The following KTN1 variants were observed in gnomAD, a reference collection of about 807,000 sequenced individuals.
KTN1 encodes kinectin 1.
Under a neutral mutation model 222.5 loss-of-function variants are expected in KTN1, and 130 were observed. The ratio of observed to expected loss-of-function variants is 0.58; its 90% CI spans 0.51 to 0.68. KTN1 has a LOEUF of 0.68. Among genes scored for constraint, KTN1 ranks in the 30% least tolerant of loss-of-function variants. The probability of loss-of-function intolerance (pLI) is 0.00; values close to 1 mark genes in which losing one functional copy is unlikely to be tolerated. For missense variants in KTN1, 1,508 were observed against 1,500.4 expected, an observed-to-expected ratio of 1.01 and a Z score of -0.08; for synonymous variants, 512 against 496.3, an observed-to-expected ratio of 1.03 and a Z score of -0.42.
At chr14:55,653,834 A>G (rs779958210) in intron 28 of KTN1, among the ~76,000 whole-genome samples, 3 of 152,118 alleles carry the variant, frequency 2.0e-5, no homozygotes, top group Non-Finnish European at 4.4e-5. Flanking sequence ...TTTTTCAATT[A>G]TTCTTTCTGC....
At chr14:55,617,565 T>A (rs534726417) in intron 3 of KTN1, among the ~76,000 whole-genome samples, 4 of 152,296 alleles carry the variant, frequency 2.6e-5, no homozygotes, top group South Asian at 2.1e-4. Flanking sequence ...AGAACTTGTT[T>A]AAAAATTATC....
At chr14:55,585,623 T>C (rs1296341026) in intron 1 of KTN1, among the ~76,000 whole-genome samples, 2 of 152,206 alleles carry the variant, frequency 1.3e-5, no homozygotes, top group African/African-American at 4.8e-5. Context: ...TTTCCAGTTA[T>C]TCATCAAGGC....
chr14:55,581,162 T>G (rs932297709), intron 1 of KTN1, among the ~76,000 whole-genome samples: 12 of 152,238 alleles, frequency 7.9e-5, no homozygotes, highest in African/African-American at 2.9e-4. Context: ...CGTCTGGCTC[T>G]CAGCCATACG....
intron 18 of KTN1, among the ~76,000 whole-genome samples, chr14:55,646,447 CT>C (rs71908200): frequency 0.27 from 25,844 of 96,186 alleles, 4,360 homozygotes; most frequent in South Asian, 0.37. Flanking sequence ...TTTCCTTTTC[CT>C]TTTCCTTTTC....
intron 1 of KTN1, among the ~76,000 whole-genome samples, chr14:55,590,736 C>T (rs935994487): frequency 6.6e-6 from 1 of 150,628 alleles, no homozygotes; most frequent in Admixed American, 6.6e-5. Flanking sequence ...AGTGCAGTGG[C>T]GCGATCTTGG....
At chr14:55,617,773 CTG>C (rs2038592319) in intron 3 of KTN1, among the ~76,000 whole-genome samples, 189 bp from the exon 4 acceptor site, 1 of 152,056 alleles carries the variant, frequency 6.6e-6, no homozygotes, top group African/African-American at 2.4e-5. Flanking sequence ...TAAAATAAGA[CTG>C]TTGAGCTGGT....
intron 1 of KTN1, among the ~76,000 whole-genome samples, chr14:55,601,140 C>G (rs751109442): frequency 6.6e-6 from 1 of 152,078 alleles, no homozygotes; most frequent in Non-Finnish European, 1.5e-5. Context: ...GACATGATAC[C>G]TAATGGAGAA....
At chr14:55,644,482 G>C in intron 18 of KTN1, 1 of 685,872 alleles carries the variant, frequency 1.5e-6, no homozygotes, top group East Asian at 2.7e-5. Context: ...AGGGAAGGCT[G>C]CATTTGGATT....
Position 55,629,275 on chromosome 14 carries a change from G to A in KTN1, c.1081-682G>A, listed in dbSNP as rs536938885. Among the ~76,000 whole-genome samples the A allele has an allele frequency of 2.6e-5, 4 of 151,978 alleles. No homozygotes were observed. The South Asian group carries it at 8.3e-4, about 32-fold the overall frequency. ...AATAAAAATACAAAAAAAATTAGCC[G>A]GGCATGGTGGTGGGTGCCTGTAGTC... On this transcript the variant is annotated intron_variant, in intron 6 of 43. Coordinates refer to ENST00000395314, the MANE Select transcript of KTN1 (RefSeq NM_001079521.2).
Position 55,658,602 on chromosome 14 carries a change from A to T in KTN1, c.2949A>T (p.Gln983His). 1 of 1,604,584 alleles carries T rather than the reference A, an allele frequency of 6.2e-7. No individual in the cohort carries two copies. The highest frequency in any genetic ancestry group is 8.5e-7 in the Non-Finnish European group (1 of 1,172,852). ...FKSQIEQLKQ[Q>H]NYQQASSFPP... The stretch of plus-strand genomic sequence containing the variant: ...CCCAAATTGAGCAGCTTAAACAACA[A>T]AACTACCAACAGGTAGGTATTATTA... Residue 983 changes from glutamine (Q) to histidine (H), a missense_variant, in exon 30 of 44, where the codon CAA becomes CAT. Transcript: ENST00000395314.
chr14:55,611,019 A>G lies in KTN1; in HGVS notation c.-30-1000A>G, dbSNP rs552321095. 3.1e-4 allele frequency among the ~76,000 whole-genome samples: 47 copies of G among 152,366 alleles called. 1 individual carries two copies. The South Asian group carries it at 6.6e-3, about 21-fold the overall frequency. ...TTGATGGCAGCCTCGCTTTTGCTGT[A>G]TAACTTGTTTTGTGCAGTATGGGGT... On this transcript the variant is annotated intron_variant, in intron 1 of 43. Coordinates refer to ENST00000395314, the MANE Select transcript of KTN1 (RefSeq NM_001079521.2).
chr14:55,636,944 C>T (rs568181903), intron 10 of KTN1, among the ~76,000 whole-genome samples: 8 of 151,892 alleles, frequency 5.3e-5, no homozygotes, highest in African/African-American at 1.9e-4. Flanking sequence ...TACATGCTAA[C>T]GTTTACTCAT....
chr14:55,647,516 C>G (rs925243932), intron 19 of KTN1, among the ~76,000 whole-genome samples: 2 of 151,216 alleles, frequency 1.3e-5, no homozygotes, highest in African/African-American at 4.9e-5. Context: ...GCCTGTAATC[C>G]CAGCTACTTG....
intron 33 of KTN1, among the ~76,000 whole-genome samples, chr14:55,665,367 C>T (rs1021347914): frequency 6.6e-6 from 1 of 151,946 alleles, no homozygotes; most frequent in African/African-American, 2.4e-5. Flanking sequence ...TGCTACTTGC[C>T]ATAGGCATTT....
At chr14:55,682,398 C>T (rs2046451922) in intron 43 of KTN1, 1 of 151,946 alleles carries the variant, frequency 6.6e-6, no homozygotes, top group African/African-American at 2.4e-5. Flanking sequence ...CTTTTTTGTT[C>T]CCAGATATCT....
At chr14:55,609,447 T>C (rs1015165276) in intron 1 of KTN1, among the ~76,000 whole-genome samples, 4 of 152,306 alleles carry the variant, frequency 2.6e-5, no homozygotes, top group Non-Finnish European at 4.4e-5. Context: ...GTGAATTGAA[T>C]TGTGTGAAGA....
intron 5 of KTN1, among the ~76,000 whole-genome samples, chr14:55,625,354 C>T (rs1792002999): frequency 1.3e-5 from 2 of 151,586 alleles, no homozygotes; most frequent in South Asian, 4.1e-4. Flanking sequence ...TTTAAATATA[C>T]TTGCTTCAGT....
chr14:55,653,002 C>T lies in KTN1; in HGVS notation c.2695-15C>T, dbSNP rs934564316. ...TACTTGACTATCAATTTAATTTACA[C>T]CTATTCTTTTTAAGGATCTTCAAGA... On this transcript the variant is annotated splice_polypyrimidine_tract_variant and intron_variant, in intron 26 of 43. Transcript: ENST00000395314. 8.2e-6 allele frequency: 13 copies of T among 1,591,784 alleles called. No homozygotes were observed. Among genetic ancestry groups the T allele is most frequent in the Non-Finnish European group, 1.1e-5 (13 of 1,161,674 alleles).
At chr14:55,684,048 C>T (rs1284167668) in intron 43 of KTN1, 51 bp from the exon 44 acceptor site, 2 of 1,543,074 alleles carry the variant, frequency 1.3e-6, no homozygotes, top group Non-Finnish European at 1.8e-6. Context: ...TTCTGATTGC[C>T]TTCTGTTGCT....
Sources: gnomAD v4.1 joint callset for allele counts (sites outside exome capture counted in the v4.1 genomes callset) on GRCh38, gnomAD v4.1.1 for gene constraint, MANE v1.5 for transcripts, NCBI Gene and HGNC (gene_info 2026-07-23, HGNC 2026-07-21) for gene names.